MICAL3: variants seen among roughly 807,000 people sequenced by gnomAD.
MICAL3 encodes the protein microtubule associated monooxygenase, calponin and LIM domain containing 3, also known as [F-actin]-monooxygenase MICAL3.
Under a neutral mutation model 207.4 loss-of-function variants are expected in MICAL3, and 62 were observed. The observed-to-expected ratio is 0.30, with a 90% confidence interval of 0.24 to 0.37. The LOEUF (loss-of-function observed/expected upper bound fraction) is 0.37. Among genes scored for constraint, MICAL3 ranks in the 10% least tolerant of loss-of-function variants. MICAL3 has a pLI of 1.00. For missense variants in MICAL3, 2,368 were observed against 2,635.6 expected, an observed-to-expected ratio of 0.90 and a Z score of 2.22; for synonymous variants, 1,077 against 1,069.3, an observed-to-expected ratio of 1.01 and a Z score of -0.14.
chr22:17,824,832 A>G (rs1170710757), intron 22 of MICAL3, among the ~76,000 whole-genome samples: 1 of 152,226 alleles, frequency 6.6e-6, no homozygotes, highest in African/African-American at 2.4e-5. Flanking sequence ...CACTCAAGGA[A>G]GACAGTTCAT....
chr22:17,852,856 C>T (rs1925481921), intron 19 of MICAL3, among the ~76,000 whole-genome samples: 1 of 152,182 alleles, frequency 6.6e-6, no homozygotes, highest in African/African-American at 2.4e-5. Flanking sequence ...GGGAGGATCA[C>T]CTGAGGTCAG....
intron 16 of MICAL3, among the ~76,000 whole-genome samples, chr22:17,876,023 T>C (rs1928295938): frequency 1.3e-5 from 2 of 152,054 alleles, no homozygotes; most frequent in South Asian, 4.2e-4. Flanking sequence ...AAATCTAGAG[T>C]GAAGCTCGCT....
At chr22:17,983,945 A>C (rs1423172791) in intron 1 of MICAL3, among the ~76,000 whole-genome samples, 1 of 152,204 alleles carries the variant, frequency 6.6e-6, no homozygotes, top group African/African-American at 2.4e-5. Context: ...AGAAGAAAAA[A>C]ATATGAAAAA....
intron 1 of MICAL3, chr22:18,001,192 G>C (rs1922965541): frequency 6.6e-6 from 1 of 152,038 alleles, no homozygotes; most frequent in African/African-American, 2.4e-5. Flanking sequence ...CAGCCGGAAG[G>C]AGGCGCCCGC....
At chr22:17,996,134 T>TTAAA (rs1416525874) in intron 1 of MICAL3, among the ~76,000 whole-genome samples, 2 of 93,618 alleles carry the variant, frequency 2.1e-5, no homozygotes, top group Admixed American at 1.2e-4. Flanking sequence ...TGTCTCAATT[T>TTAAA]AAAAAAAAAA....
intron 19 of MICAL3, among the ~76,000 whole-genome samples, chr22:17,846,396 T>TA (rs60481676): frequency 0.31 from 45,824 of 149,594 alleles, 7,585 homozygotes; most frequent in African/African-American, 0.45. Flanking sequence ...CATGGGAAAT[T>TA]AAAAAAAAAA....
At chr22:17,889,855 C>A (rs1182664452) in intron 12 of MICAL3, among the ~76,000 whole-genome samples, 1 of 152,096 alleles carries the variant, frequency 6.6e-6, no homozygotes, top group Non-Finnish European at 1.5e-5. Flanking sequence ...ATATCTTGAT[C>A]CTTGTGTATG....
rs1327618624 is a variant in MICAL3, at chr22:17,831,974, C to T, written c.2935G>A (p.Glu979Lys). Residue 979 changes from glutamate (E) to lysine (K), a missense_variant, in exon 21 of 32, where the codon GAG becomes AAG. By Grantham distance (56) the Glu-to-Lys change is moderately conservative (BLOSUM62 1). Coordinates refer to ENST00000441493, the MANE Select transcript of MICAL3 (RefSeq NM_015241.3). ...AAGCTCTTTGAGGCCTCTAGCTCCT[C>T]TTCACTTTTCCCTTTCAGAAGGGCA... ...IHALLKGKSE[E>K]ELEASKSFGP... 1 of 1,598,040 alleles carries T rather than the reference C, an allele frequency of 6.3e-7. No individual in the cohort carries two copies. The highest frequency in any genetic ancestry group is 1.1e-5 in the South Asian group (1 of 88,110).
At chr22:17,878,474 AG>A (rs5844331) in intron 16 of MICAL3, among the ~76,000 whole-genome samples, 16,311 of 152,162 alleles carry the variant, frequency 0.11, 1,060 homozygotes, top group Admixed American at 0.21. Context: ...GCCTGGTGAG[AG>A]GGCGCAGGAA....
At chr22:17,968,445 C>CG (rs1449586525) in intron 1 of MICAL3, among the ~76,000 whole-genome samples, 6 of 152,282 alleles carry the variant, frequency 3.9e-5, no homozygotes, top group African/African-American at 1.4e-4. Context: ...GCTCCACAGT[C>CG]GCAGACTCAA....
At chr22:17,846,655 T>C (rs967659635) in intron 19 of MICAL3, among the ~76,000 whole-genome samples, 2 of 152,190 alleles carry the variant, frequency 1.3e-5, no homozygotes, top group African/African-American at 2.4e-5. Flanking sequence ...CAAGCCGAAG[T>C]GCACCCCGCC....
chr22:17,798,134 C>T (rs988458216), intron 29 of MICAL3, among the ~76,000 whole-genome samples: 1 of 152,380 alleles, frequency 6.6e-6, no homozygotes, highest in Non-Finnish European at 1.5e-5. Flanking sequence ...GTACCACACA[C>T]AGAGGTGTAA....
At position 17,841,941 on chromosome 22, in the gene MICAL3, C is replaced by A; in HGVS notation, c.2682G>T (p.Glu894Asp). ...CCTGCCTCAGGGACAGGCGGTAGTTCTCCAGCTCGATCCGCTCTGGGGTGC... is the reference window on the plus strand; with the variant it reads ...CCTGCCTCAGGGACAGGCGGTAGTTATCCAGCTCGATCCGCTCTGGGGTGC... ...LRGTPERIEL[E>D]NYRLSLRQAE... The change falls in exon 20 of 32, where the codon GAG (glutamate) becomes GAT (aspartate). Residue 894 changes from glutamate to aspartate, a missense_variant. Physicochemically the swap from Glu to Asp is conservative, Grantham distance 45. Transcript: ENST00000441493. The surrounding 1 kb of genome is among the most constrained non-coding windows in gnomAD (Gnocchi z 4.2). The A allele has an allele frequency of 6.2e-7, 1 of 1,604,802 alleles. No individual in the cohort carries two copies. The highest frequency in any genetic ancestry group is 8.5e-7 in the Non-Finnish European group (1 of 1,177,454).
At chr22:17,802,511 C>T (rs1261211154) in intron 29 of MICAL3, among the ~76,000 whole-genome samples, 1 of 152,122 alleles carries the variant, frequency 6.6e-6, no homozygotes, top group Non-Finnish European at 1.5e-5. Context: ...GGTCTCTGAA[C>T]ACACCAGAAG....
chr22:17,817,214 G>T (rs1197040482), intron 26 of MICAL3, 97 bp downstream of exon 26: 9 of 1,401,642 alleles, frequency 6.4e-6, no homozygotes, highest in Non-Finnish European at 7.6e-6. Flanking sequence ...ACCCTCGGCG[G>T]GGAGCGTGTG....
intron 1 of MICAL3, among the ~76,000 whole-genome samples, chr22:17,947,547 C>A (rs529952300): frequency 6.6e-6 from 1 of 152,220 alleles, no homozygotes; most frequent in Admixed American, 6.5e-5. Flanking sequence ...AGAAAAGATG[C>A]CTCAATCCCC....
At chr22:17,990,341 C>T (rs1055670530) in intron 1 of MICAL3, among the ~76,000 whole-genome samples, 4 of 152,202 alleles carry the variant, frequency 2.6e-5, no homozygotes, top group African/African-American at 9.6e-5. Flanking sequence ...ACCCAGCATG[C>T]TCCCCTGAAG....
rs1351272690 is a variant in MICAL3 at position 17,883,056 on chromosome 22, C to T, written c.2241+2822G>A. ...CCCTCTGCTCCTCCCACCTCAGGCA[C>T]CCGTTATGAATACTGTAAGAGGTTT... On this transcript the variant is annotated intron_variant, in intron 16 of 31. Coordinates refer to ENST00000441493, the MANE Select transcript of MICAL3 (RefSeq NM_015241.3). Among the ~76,000 whole-genome samples, 5 of 152,298 alleles carry T rather than the reference C, an allele frequency of 3.3e-5. No individual in the cohort carries two copies. In the East Asian group the frequency reaches 9.6e-4, roughly 29 times the overall value.
intron 1 of MICAL3, among the ~76,000 whole-genome samples, chr22:17,916,882 A>T (rs1238391195): frequency 1.3e-5 from 2 of 152,156 alleles, no homozygotes. Flanking sequence ...TCTGCAGTTT[A>T]AAAAAAGAAG....
Sources: gnomAD v4.1 joint callset for allele counts (sites outside exome capture counted in the v4.1 genomes callset) on GRCh38, gnomAD v4.1.1 for gene constraint, Gnocchi (gnomAD v3.1) non-coding constraint, MANE v1.5 for transcripts, NCBI Gene and HGNC (gene_info 2026-07-23, HGNC 2026-07-21) for gene names.